SHB: variants seen among roughly 807,000 people sequenced by gnomAD.
The protein encoded by SHB is SH2 domain-containing adapter protein B.
Under a neutral mutation model 52.3 loss-of-function variants are expected in SHB, and 20 were observed. That is an observed-to-expected ratio of 0.38 (90% CI 0.27 to 0.56). The LOEUF (loss-of-function observed/expected upper bound fraction) is 0.56, where lower values mean the gene tolerates loss of function less well. Among genes scored for constraint, SHB ranks in the 20% least tolerant of loss-of-function variants. SHB has a pLI of 0.71. For synonymous variants in SHB, 397 were observed against 316.5 expected (o/e 1.25, Z -2.70); for missense variants, 825 against 723.3 (o/e 1.14, Z -1.61).
rs115727837 is a variant in SHB, at chr9:37,969,949, T to C, written c.1054+4673A>G. Among the ~76,000 whole-genome samples the C allele has an allele frequency of 6.0e-3, 910 of 152,360 alleles. 13 individuals are homozygous for C. The highest frequency in any genetic ancestry group is 0.021 in the African/African-American group (874 of 41,580). On this transcript the variant is annotated intron_variant, in intron 3 of 5. Coordinates refer to ENST00000377707, the MANE Select transcript of SHB (RefSeq NM_003028.3). Reference sequence around the variant, plus strand: ...TTCTAGACCCAACTGCTGGCCTTGCTGGTTGCTGTAAAGACTCCTGGGGTG... The same window carrying C: ...TTCTAGACCCAACTGCTGGCCTTGCCGGTTGCTGTAAAGACTCCTGGGGTG...
intron 5 of SHB, among the ~76,000 whole-genome samples, chr9:37,943,867 T>C (rs561709277): frequency 6.6e-6 from 1 of 152,330 alleles, no homozygotes; most frequent in South Asian, 2.1e-4. Context: ...AAACCAGAAC[T>C]TGCCAAGACT....
chr9:37,988,325 A>G (rs918303064), intron 2 of SHB, among the ~76,000 whole-genome samples: 1 of 152,138 alleles, frequency 6.6e-6, no homozygotes, highest in Non-Finnish European at 1.5e-5. Flanking sequence ...TTCCTCGCAG[A>G]TGAGGTGAGA....
At chr9:37,954,008 G>A (rs1268376693) in intron 4 of SHB, among the ~76,000 whole-genome samples, 2 of 152,216 alleles carry the variant, frequency 1.3e-5, no homozygotes, top group African/African-American at 4.8e-5. Context: ...GGCTGAGTCT[G>A]GGGGTGGGAG....
At chr9:38,002,816 G>A (rs1299508548) in intron 2 of SHB, among the ~76,000 whole-genome samples, 2 of 152,200 alleles carry the variant, frequency 1.3e-5, no homozygotes, top group Non-Finnish European at 2.9e-5. Context: ...GCAGACTCCA[G>A]GACCCTGCAT....
At chr9:38,020,861 G>A (rs1307057434) in intron 1 of SHB, among the ~76,000 whole-genome samples, 2 of 152,232 alleles carry the variant, frequency 1.3e-5, no homozygotes, top group South Asian at 2.1e-4. Flanking sequence ...CGAGGATCTT[G>A]CAAGGCAAGG....
rs1305907809 is a variant in SHB at position 38,068,588 on chromosome 9, G to T, written c.58C>A (p.Pro20Thr). The T allele has an allele frequency of 6.7e-7, 1 of 1,492,326 alleles. No homozygotes were observed. The highest frequency in any genetic ancestry group is 8.8e-7 in the Non-Finnish European group (1 of 1,132,928). The allele number at this position is 1,492,326 out of a possible 1,614,324, so 92.4% of individuals were successfully genotyped here. A position where few individuals can be genotyped will look rare whatever the true frequency, so the allele number is the denominator to read the frequency against. The part of the protein sequence containing the change: ...SLGNSKTKSP[P>T]QPPRPDYREQ... ...CGGTAGTCTGGCCGCGGCGGCTGCGGGGGGCTCTTGGTCTTGCTGTTGCCC... is the reference window on the plus strand; with the variant it reads ...CGGTAGTCTGGCCGCGGCGGCTGCGTGGGGCTCTTGGTCTTGCTGTTGCCC... Residue 20 changes from proline (P) to threonine (T), a missense_variant, in exon 1 of 6, where the codon CCG becomes ACG. Coordinates refer to ENST00000377707, the MANE Select transcript of SHB (RefSeq NM_003028.3).
intron 1 of SHB, among the ~76,000 whole-genome samples, chr9:38,059,571 T>C (rs1422635388): frequency 6.6e-6 from 1 of 152,090 alleles, no homozygotes; most frequent in Non-Finnish European, 1.5e-5. Flanking sequence ...TACTGGAAAA[T>C]ACCAAACAGG....
intron 3 of SHB, among the ~76,000 whole-genome samples, chr9:37,960,411 G>A (rs1832681118): frequency 1.3e-5 from 2 of 152,170 alleles, no homozygotes; most frequent in African/African-American, 2.4e-5. Context: ...TCATTAGAAT[G>A]ACAGAACCTA....
At chr9:37,987,372 A>G (rs1242121766) in intron 2 of SHB, among the ~76,000 whole-genome samples, 3 of 152,224 alleles carry the variant, frequency 2.0e-5, no homozygotes, top group African/African-American at 7.2e-5. Context: ...CCACAGGGCA[A>G]GCGAGGAAGG....
intron 5 of SHB, 104 bp downstream of exon 5, chr9:37,948,531 G>T: frequency 7.0e-7 from 1 of 1,424,972 alleles, no homozygotes; most frequent in Non-Finnish European, 9.7e-7. Context: ...GTGCTGGCAA[G>T]TTTCCCAGGG....
At chr9:37,930,967 T>A (rs1285904452) in intron 5 of SHB, among the ~76,000 whole-genome samples, 2 of 152,078 alleles carry the variant, frequency 1.3e-5, no homozygotes, top group African/African-American at 4.8e-5. Context: ...TCCAAACACA[T>A]ATGGGTCAAC....
chr9:37,955,872 C>T lies in SHB; in HGVS notation c.1226+11G>A, dbSNP rs1832624492. 6.2e-7 allele frequency: 1 copy of T among 1,612,076 alleles called. No homozygotes were observed. The highest frequency in any genetic ancestry group is 1.1e-5 in the South Asian group (1 of 90,860). ...GGGAGGTGAGGTTGGGCTTTGCTCC[C>T]AAGAACTTACATTTGCTTCTCCAGG... On this transcript the variant is annotated intron_variant, in intron 4 of 5. Transcript: ENST00000377707.
At chr9:38,002,811 C>T (rs1821034177) in intron 2 of SHB, among the ~76,000 whole-genome samples, 1 of 152,200 alleles carries the variant, frequency 6.6e-6, no homozygotes, top group South Asian at 2.1e-4. Flanking sequence ...ATCCTGCAGA[C>T]TCCAGGACCC....
At chr9:38,021,112 C>T (rs1474500773) in intron 1 of SHB, among the ~76,000 whole-genome samples, 1 of 152,096 alleles carries the variant, frequency 6.6e-6, no homozygotes, top group Admixed American at 6.5e-5. Flanking sequence ...CCGAGGCGGG[C>T]GGATTACCTG....
intron 2 of SHB, among the ~76,000 whole-genome samples, chr9:37,975,086 A>C (rs1820639304): frequency 6.6e-6 from 1 of 152,112 alleles, no homozygotes; most frequent in Non-Finnish European, 1.5e-5. Context: ...CCATCCACTC[A>C]TGAATCTCAG....
intron 1 of SHB, among the ~76,000 whole-genome samples, chr9:38,062,590 A>C (rs1356565477): frequency 1.3e-5 from 2 of 152,210 alleles, no homozygotes; most frequent in African/African-American, 4.8e-5. Context: ...GAATTGTTGC[A>C]GCCCAAGGCC....
intron 1 of SHB, 33 bp downstream of exon 1, chr9:38,067,895 TG>T: frequency 7.0e-7 from 1 of 1,427,860 alleles, no homozygotes; most frequent in Non-Finnish European, 9.1e-7. Context: ...ACCGTGGCTC[TG>T]GAACCTCGGG....
chr9:38,061,829 G>T (rs948704459), intron 1 of SHB, among the ~76,000 whole-genome samples: 2 of 152,192 alleles, frequency 1.3e-5, no homozygotes, highest in African/African-American at 2.4e-5. Flanking sequence ...GCAAATCCTT[G>T]AAGGGAAGGA....
At chr9:38,011,535 GTGAGTCACTC>G (rs1821143554) in intron 2 of SHB, among the ~76,000 whole-genome samples, 1 of 152,152 alleles carries the variant, frequency 6.6e-6, no homozygotes, top group African/African-American at 2.4e-5. Context: ...TGGGTGACTA[GTGAGTCACTC>G]TGCTTAAAAC....
Sources: gnomAD v4.1 joint callset for allele counts (sites outside exome capture counted in the v4.1 genomes callset) on GRCh38, gnomAD v4.1.1 for gene constraint, MANE v1.5 for transcripts, NCBI Gene and HGNC (gene_info 2026-07-23, HGNC 2026-07-21) for gene names.